Variants in MAP6 observed in about 807,000 individuals in gnomAD.
MAP6 encodes microtubule-associated protein 6.
Under a neutral mutation model 42.4 loss-of-function variants are expected in MAP6, and 26 were observed. The ratio of observed to expected loss-of-function variants is 0.61; its 90% confidence interval spans 0.45 to 0.85. The LOEUF (loss-of-function observed/expected upper bound fraction) is 0.85, where lower values mean the gene tolerates loss of function less well. Among genes scored for constraint, MAP6 ranks in the 40% least tolerant of loss-of-function variants. MAP6 has a pLI of 0.00. For synonymous variants in MAP6, 418 were observed against 443.8 expected (o/e 0.94, Z 0.73); for missense variants, 966 against 1,099.0 (o/e 0.88, Z 1.71).
At chr11:75,604,797 C>T (rs1354461610) in intron 3 of MAP6, 8 of 985,358 alleles carry the variant, frequency 8.1e-6, no homozygotes, top group Non-Finnish European at 9.6e-6. Flanking sequence ...GCAGCTAAGT[C>T]ACAGACATTC....
intron 1 of MAP6, among the ~76,000 whole-genome samples, chr11:75,630,212 C>T (rs916110803): frequency 8.5e-5 from 13 of 152,228 alleles, no homozygotes; most frequent in African/African-American, 3.1e-4. Context: ...GGCTTAAACT[C>T]CTCCCATCTT....
intron 1 of MAP6, among the ~76,000 whole-genome samples, chr11:75,615,090 C>T (rs1357767400): frequency 6.6e-6 from 1 of 152,190 alleles, no homozygotes; most frequent in African/African-American, 2.4e-5. Flanking sequence ...AAAATGATGT[C>T]TCAGAGCACA....
intron 2 of MAP6, 22 bp downstream of exon 2, chr11:75,608,087 G>T: frequency 6.2e-7 from 1 of 1,609,964 alleles, no homozygotes; most frequent in Non-Finnish European, 8.5e-7. Context: ...GTGCTGATGG[G>T]TTCCCACAAG....
At chr11:75,653,820 A>T (rs1943691898) in intron 1 of MAP6, among the ~76,000 whole-genome samples, 1 of 152,176 alleles carries the variant, frequency 6.6e-6, no homozygotes, top group Non-Finnish European at 1.5e-5. Flanking sequence ...GAAATTCAGA[A>T]TGTGTGCAAT....
intron 3 of MAP6, chr11:75,603,014 A>G: frequency 1.0e-6 from 1 of 985,780 alleles, no homozygotes; most frequent in Non-Finnish European, 1.2e-6. Flanking sequence ...GCACCAAGAG[A>G]GGTGTGCGCT....
At chr11:75,619,166 G>C (rs1943060465) in intron 1 of MAP6, among the ~76,000 whole-genome samples, 1 of 152,250 alleles carries the variant, frequency 6.6e-6, no homozygotes, top group African/African-American at 2.4e-5. Context: ...GTTAGTGTGT[G>C]TCTTTCCTAG....
chr11:75,638,320 G>A (rs1475417719), intron 1 of MAP6, among the ~76,000 whole-genome samples: 1 of 152,184 alleles, frequency 6.6e-6, no homozygotes, highest in Non-Finnish European at 1.5e-5. Context: ...GCTTGAAATG[G>A]TATCTTGATC....
intron 1 of MAP6, among the ~76,000 whole-genome samples, chr11:75,666,570 G>A (rs1332965758): frequency 2.6e-5 from 4 of 152,172 alleles, no homozygotes; most frequent in African/African-American, 9.7e-5. Flanking sequence ...AGGATCATAA[G>A]GTATCATGTG....
intron 1 of MAP6, among the ~76,000 whole-genome samples, chr11:75,618,126 T>G (rs7943791): frequency 9.1e-6 from 1 of 109,610 alleles, no homozygotes; most frequent in East Asian, 2.7e-4. Context: ...TTTTTTTTTT[T>G]GAAAAAAGTG....
intron 2 of MAP6, among the ~76,000 whole-genome samples, chr11:75,606,433 G>A (rs1325309225): frequency 6.6e-6 from 1 of 152,248 alleles, no homozygotes; most frequent in Non-Finnish European, 1.5e-5. Flanking sequence ...GTCAGCCTGT[G>A]CTGCCCAGTG....
chr11:75,658,954 C>A (rs1334419063), intron 1 of MAP6, among the ~76,000 whole-genome samples: 8 of 152,178 alleles, frequency 5.3e-5, no homozygotes, highest in Non-Finnish European at 1.5e-5. Context: ...GATATTTTAT[C>A]AGGGCACCTG....
intron 1 of MAP6, among the ~76,000 whole-genome samples, chr11:75,649,385 A>G (rs1390432374): frequency 6.6e-6 from 1 of 152,220 alleles, no homozygotes; most frequent in Non-Finnish European, 1.5e-5. Flanking sequence ...AGAGGTATAC[A>G]TGAAAGTATA....
intron 3 of MAP6, among the ~76,000 whole-genome samples, chr11:75,591,490 C>T (rs1448119713): frequency 6.6e-5 from 10 of 152,296 alleles, no homozygotes; most frequent in Admixed American, 3.9e-4. Context: ...CCACCTCCTC[C>T]GTGAGGCTGG....
chr11:75,622,418 A>G (rs938586714), intron 1 of MAP6, among the ~76,000 whole-genome samples: 1 of 152,186 alleles, frequency 6.6e-6, no homozygotes, highest in African/African-American at 2.4e-5. Context: ...CCAGTAATAA[A>G]TGTAAAAAAA....
At chr11:75,598,180 G>A (rs1026204849) in intron 3 of MAP6, among the ~76,000 whole-genome samples, 13 of 152,178 alleles carry the variant, frequency 8.5e-5, no homozygotes, top group African/African-American at 2.4e-4. Context: ...AAATATATTC[G>A]AAGAGTGATC....
chr11:75,631,277 G>A (rs929374762), intron 1 of MAP6, among the ~76,000 whole-genome samples: 2 of 152,084 alleles, frequency 1.3e-5, no homozygotes, highest in Non-Finnish European at 2.9e-5. Flanking sequence ...TATGAGAAAG[G>A]GCTTATGTTT....
At chr11:75,618,344 C>A (rs76672204) in intron 1 of MAP6, among the ~76,000 whole-genome samples, 1 of 152,062 alleles carries the variant, frequency 6.6e-6, no homozygotes, top group Non-Finnish European at 1.5e-5. Flanking sequence ...TGGTGGCTCA[C>A]GCCTGTAATC....
intron 1 of MAP6, among the ~76,000 whole-genome samples, chr11:75,641,303 GA>G (rs1943465860): frequency 7.2e-6 from 1 of 138,944 alleles, no homozygotes; most frequent in South Asian, 2.5e-4. Flanking sequence ...ATGGACTCAG[GA>G]AGGGGAACAT....
At chr11:75,592,929 C>T (rs2135572863) in intron 3 of MAP6, among the ~76,000 whole-genome samples, 1 of 152,326 alleles carries the variant, frequency 6.6e-6, no homozygotes, top group Admixed American at 6.5e-5. Flanking sequence ...AGCTTTTGCA[C>T]ATGCAGCTGT....
Sources: gnomAD v4.1 joint callset for allele counts (sites outside exome capture counted in the v4.1 genomes callset) on GRCh38, gnomAD v4.1.1 for gene constraint, MANE v1.5 for transcripts, NCBI Gene and HGNC (gene_info 2026-07-23, HGNC 2026-07-21) for gene names.